Variants in AP4E1 observed in about 807,000 individuals in gnomAD.
The protein encoded by AP4E1 is adaptor related protein complex 4 subunit epsilon 1.
AP4E1 carries 56 observed loss-of-function variants against 128.2 expected under a neutral mutation model. That is an observed-to-expected ratio of 0.44 (90% CI 0.35 to 0.55). The LOEUF (loss-of-function observed/expected upper bound fraction) is 0.55, where lower values mean the gene tolerates loss of function less well. AP4E1 is among the 20% of genes least tolerant of loss of function. The pLI is 0.00. For synonymous variants in AP4E1, 484 were observed against 473.1 expected, an observed-to-expected ratio of 1.02 and a Z score of -0.30; for missense variants, 1,324 against 1,307.7, an observed-to-expected ratio of 1.01 and a Z score of -0.19.
chr15:50,909,741 GC>G (rs2063540742), intron 1 of AP4E1, among the ~76,000 whole-genome samples: 1 of 152,082 alleles, frequency 6.6e-6, no homozygotes, highest in African/African-American at 2.4e-5. Flanking sequence ...AGGCTGGAGT[GC>G]AGTGGCGCGA....
intron 15 of AP4E1, among the ~76,000 whole-genome samples, chr15:50,981,224 G>T (rs1006530389): frequency 6.6e-6 from 1 of 152,204 alleles, no homozygotes; most frequent in Non-Finnish European, 1.5e-5. Flanking sequence ...TGTCATAGAT[G>T]TGGGGCTGCC....
At chr15:50,945,255 G>GT in intron 10 of AP4E1, 2 of 784,690 alleles carry the variant, frequency 2.5e-6, no homozygotes, top group Non-Finnish European at 4.7e-6. Context: ...ATTTGACAGT[G>GT]TAAGTAGTGT....
intron 16 of AP4E1, among the ~76,000 whole-genome samples, chr15:50,985,084 G>T (rs190123145): frequency 8.6e-5 from 13 of 151,374 alleles, no homozygotes; most frequent in African/African-American, 2.2e-4. Flanking sequence ...TTTCATGTGT[G>T]TTTTGGCTGC....
At chr15:50,923,825 A>T in intron 3 of AP4E1, 106 bp from the exon 4 acceptor site, 1 of 814,706 alleles carries the variant, frequency 1.2e-6, no homozygotes, top group Non-Finnish European at 2.1e-6. Flanking sequence ...GTTTCTGTTT[A>T]CTTGTAACTG....
At chr15:50,991,952 A>T (rs1030395606) in intron 16 of AP4E1, among the ~76,000 whole-genome samples, 1 of 149,156 alleles carries the variant, frequency 6.7e-6, no homozygotes, top group Non-Finnish European at 1.5e-5. Flanking sequence ...AGTGCCAAGG[A>T]CACATAGTTC....
intron 7 of AP4E1, among the ~76,000 whole-genome samples, chr15:50,932,824 A>G (rs12595526): frequency 0.21 from 32,027 of 152,130 alleles, 3,889 homozygotes; most frequent in East Asian, 0.45. Context: ...TGCAGTGAAA[A>G]CGTAAGGTGA....
intron 14 of AP4E1, among the ~76,000 whole-genome samples, chr15:50,962,963 G>T (rs1438540549): frequency 2.9e-5 from 3 of 104,478 alleles, no homozygotes; most frequent in African/African-American, 1.2e-4. Context: ...TTTCTTAAAA[G>T]AAGATACACA....
intron 8 of AP4E1, among the ~76,000 whole-genome samples, 163 bp downstream of exon 8, chr15:50,934,860 T>C (rs948702402): frequency 1.3e-5 from 2 of 152,100 alleles, no homozygotes; most frequent in African/African-American, 2.4e-5. Flanking sequence ...TAATTACTGA[T>C]AGATAAGAGT....
At chr15:50,976,155 A>C (rs2064547613) in intron 15 of AP4E1, among the ~76,000 whole-genome samples, 1 of 152,144 alleles carries the variant, frequency 6.6e-6, no homozygotes, top group African/African-American at 2.4e-5. Flanking sequence ...ATACTAGGAA[A>C]CTGAACTCAA....
intron 1 of AP4E1, among the ~76,000 whole-genome samples, chr15:50,911,816 C>G (rs2063570430): frequency 6.6e-6 from 1 of 152,018 alleles, no homozygotes; most frequent in Admixed American, 6.6e-5. Flanking sequence ...TTCTGCTATT[C>G]TACCATTAAG....
chr15:50,995,075 A>G (rs1275735670), intron 17 of AP4E1, among the ~76,000 whole-genome samples: 2 of 152,194 alleles, frequency 1.3e-5, no homozygotes, highest in Non-Finnish European at 2.9e-5. Context: ...TAACAATGAC[A>G]TAAAATTAGC....
chr15:50,972,042 T>C (rs1337264344), intron 15 of AP4E1, among the ~76,000 whole-genome samples: 1 of 152,214 alleles, frequency 6.6e-6, no homozygotes, highest in Non-Finnish European at 1.5e-5. Context: ...GTTCCTATGT[T>C]GATTTGTATG....
intron 16 of AP4E1, among the ~76,000 whole-genome samples, chr15:50,991,212 A>G (rs1373328682): frequency 6.6e-6 from 1 of 152,220 alleles, no homozygotes; most frequent in Non-Finnish European, 1.5e-5. Flanking sequence ...ACAGCTGGTC[A>G]ACAGTCCTTC....
At chr15:50,977,701 T>C (rs962207298) in intron 15 of AP4E1, among the ~76,000 whole-genome samples, 1 of 127,564 alleles carries the variant, frequency 7.8e-6, no homozygotes, top group Non-Finnish European at 1.7e-5. Flanking sequence ...TATCAATCTG[T>C]TATGGTTTTT....
At chr15:51,002,379 CTTAGTGGT>C in intron 20 of AP4E1, 115 bp from the exon 21 acceptor site, 7 of 1,010,150 alleles carry the variant, frequency 6.9e-6, no homozygotes, top group Non-Finnish European at 9.2e-6. Flanking sequence ...TTGCAGTCTC[CTTAGTGGT>C]TAGTGATATT....
At chr15:50,950,927 A>T (rs1356068645) in intron 13 of AP4E1, among the ~76,000 whole-genome samples, 1 of 152,110 alleles carries the variant, frequency 6.6e-6, no homozygotes, top group African/African-American at 2.4e-5. Flanking sequence ...AGCTTCATCC[A>T]TGTCTCTGCA....
In AP4E1 at chr15:50,983,188, C is replaced by T. The variant is rs114060174; in HGVS notation, c.1967-834C>T. 4.5e-3 allele frequency among the ~76,000 whole-genome samples: 681 copies of T among 152,284 alleles called. 5 individuals are homozygous for T. The highest frequency in any genetic ancestry group is 0.015 in the African/African-American group (636 of 41,572). On this transcript the variant is annotated intron_variant, in intron 15 of 20. Coordinates refer to ENST00000261842, the MANE Select transcript of AP4E1 (RefSeq NM_007347.5). ...TGATTATTAAAAAACCCAAGTTTCA[C>T]CTTTCTTGCTGTTCTGGCATCTTTG... is the stretch of plus-strand genomic sequence containing the variant.
rs1052683525 is a variant in AP4E1 at position 50,953,546 on chromosome 15, G to T, written c.1548+3377G>T. Among the ~76,000 whole-genome samples, 4 of 152,190 alleles carry T rather than the reference G, an allele frequency of 2.6e-5. 1 individual carries two copies. In the South Asian group the frequency reaches 8.3e-4, roughly 32 times the overall value. ...TCATTCCTTTGTCCAGTGTATCCAT[G>T]CTGTATACACTACCTGCCTGTTAGT... On this transcript the variant is annotated intron_variant, in intron 13 of 20. Coordinates refer to ENST00000261842, the MANE Select transcript of AP4E1 (RefSeq NM_007347.5).
At chr15:50,969,902 G>A (rs1045826011) in intron 15 of AP4E1, among the ~76,000 whole-genome samples, 3 of 152,040 alleles carry the variant, frequency 2.0e-5, no homozygotes, top group Non-Finnish European at 2.9e-5. Flanking sequence ...CTCGTGATCT[G>A]CCCGCCTTGG....
Sources: allele counts gnomAD v4.1 joint callset (sites outside exome capture counted in the v4.1 genomes callset), GRCh38; gene constraint gnomAD v4.1.1; transcripts MANE v1.5; gene names NCBI Gene and HGNC (gene_info 2026-07-23, HGNC 2026-07-21).